CAPN2: variants seen among roughly 807,000 people sequenced by gnomAD.
The protein encoded by CAPN2 is calpain 2.
In CAPN2, 92 loss-of-function variants were observed where a neutral mutation model predicts 102.3. The observed-to-expected ratio is 0.90, with a 90% confidence interval of 0.76 to 1.07. The LOEUF is 1.07. Among genes scored for constraint, CAPN2 ranks in the 50% least tolerant of loss-of-function variants. CAPN2 has a pLI of 0.00. For synonymous variants in CAPN2, 340 were observed against 355.4 expected, an observed-to-expected ratio of 0.96 and a Z score of 0.49; for missense variants, 800 against 909.4, an observed-to-expected ratio of 0.88 and a Z score of 1.55.
chr1:223,757,982 T>A (rs1444905591), intron 11 of CAPN2: 1 of 151,998 alleles, frequency 6.6e-6, no homozygotes, highest in Admixed American at 6.6e-5. Flanking sequence ...TGCTTCAGCC[T>A]CCCCAGTAGC....
rs28370171 is a variant in CAPN2 at position 223,772,558 on chromosome 1, G to A, written c.2079+319G>A. On this transcript the variant is annotated intron_variant, in intron 20 of 20. Coordinates refer to ENST00000295006, the MANE Select transcript of CAPN2 (RefSeq NM_001748.5). ...ATGAACTCCTGATTAGCATGCAAGG[G>A]AGAACATGTTTATATAAAGAAATCC... 2,314 of 308,864 alleles carry A rather than the reference G, an allele frequency of 7.5e-3. 44 individuals are homozygous for A. The highest frequency in any genetic ancestry group is 0.046 in the African/African-American group (2,157 of 46,836). 19.1% of individuals were successfully genotyped at this position (308,864 alleles called of 1,614,324 possible). A position where few individuals can be genotyped will look rare whatever the true frequency, so the allele number is the denominator to read the frequency against.
At chr1:223,772,851 C>T (rs1156694726) in intron 20 of CAPN2, 5 of 152,164 alleles carry the variant, frequency 3.3e-5, no homozygotes, top group African/African-American at 1.2e-4. Context: ...TCGTGTCATC[C>T]CAATGACAGG....
rs779323696 is a variant in CAPN2, at chr1:223,712,624, G to A, written c.-17G>A. 53 of 1,510,188 alleles carry A rather than the reference G, an allele frequency of 3.5e-5. No homozygotes were observed. The Middle Eastern group carries it at 5.3e-4, about 15-fold the overall frequency. The allele number at this position is 1,510,188 out of a possible 1,614,324, so 93.5% of individuals were successfully genotyped here. A position where few individuals can be genotyped will look rare whatever the true frequency, so the allele number is the denominator to read the frequency against. ...CCCCGACCTTTCTCTGCGCAGTACG[G>A]CCGCCGGGACCGCAGCATGGCGGGC... On this transcript the variant is annotated 5_prime_UTR_variant, in exon 1 of 21. Transcript: ENST00000295006.
chr1:223,762,746 T>C (rs1333558286), intron 14 of CAPN2, among the ~76,000 whole-genome samples: 1 of 152,094 alleles, frequency 6.6e-6, no homozygotes, highest in African/African-American at 2.4e-5. Context: ...AGTGGCATGA[T>C]CATAGCTCAC....
At chr1:223,717,218 T>C (rs540749887) in intron 1 of CAPN2, among the ~76,000 whole-genome samples, 6 of 152,160 alleles carry the variant, frequency 3.9e-5, no homozygotes, top group Admixed American at 3.3e-4. Flanking sequence ...AATTGCAGAG[T>C]CCAGAGACTC....
intron 4 of CAPN2, 152 bp from the exon 5 acceptor site, chr1:223,746,845 C>T (rs1660762133): frequency 3.6e-6 from 2 of 562,216 alleles, no homozygotes; most frequent in Non-Finnish European, 6.0e-6. Flanking sequence ...CCTTGCCTTC[C>T]TGAGCACCCC....
rs558360442 is a variant in CAPN2 at position 223,742,114 on chromosome 1, G to T, written c.308-1986G>T. On this transcript the variant is annotated intron_variant, in intron 2 of 20. Coordinates refer to ENST00000295006, the MANE Select transcript of CAPN2 (RefSeq NM_001748.5). ...TCAAAGAATTCAGTGAGCTTCAGCT[G>T]GTCCTGCTGGCTCACGCCTGTAATA... Among the ~76,000 whole-genome samples the T allele has an allele frequency of 9.2e-5, 14 of 152,288 alleles. No homozygotes were observed. The South Asian group carries it at 2.9e-3, about 32-fold the overall frequency.
chr1:223,766,513 T>C (rs1661336189), intron 16 of CAPN2, 82 bp downstream of exon 16: 1 of 1,123,404 alleles, frequency 8.9e-7, no homozygotes, highest in South Asian at 1.3e-5. Flanking sequence ...CATGGCCTTC[T>C]CCCTTTTCAA....
In CAPN2 at chr1:223,726,326, G is replaced by A. The variant is rs567571971; in HGVS notation, c.307+8495G>A. Among the ~76,000 whole-genome samples the A allele has an allele frequency of 2.0e-5, 3 of 150,456 alleles. No homozygotes were observed. Among genetic ancestry groups the A allele is most frequent in the African/African-American group, 7.5e-5 (3 of 39,800 alleles). On this transcript the variant is annotated intron_variant, in intron 2 of 20. Coordinates refer to ENST00000295006, the MANE Select transcript of CAPN2 (RefSeq NM_001748.5). The surrounding 1 kb of genome is among the most constrained non-coding windows in gnomAD (Gnocchi z 4.4). ...GAAGAGGGTGGGTTTGCCTGCGCCT[G>A]GGGGGAGGGCAGCCATCAGGAAGGA...
At chr1:223,733,595 T>C (rs1435112300) in intron 2 of CAPN2, among the ~76,000 whole-genome samples, 1 of 152,138 alleles carries the variant, frequency 6.6e-6, no homozygotes, top group Non-Finnish European at 1.5e-5. Flanking sequence ...CCTGGTGTGC[T>C]CTCCGTGGGT....
chr1:223,737,706 G>GTT (rs201713814), intron 2 of CAPN2, among the ~76,000 whole-genome samples: 1 of 25,878 alleles, frequency 3.9e-5, no homozygotes, highest in South Asian at 2.2e-3. Context: ...AAGAGACGGG[G>GTT]CGGGGGGTGG....
At chr1:223,704,055 C>A (rs1292165282) in intron 1 of CAPN2, among the ~76,000 whole-genome samples, 1 of 152,106 alleles carries the variant, frequency 6.6e-6, no homozygotes, top group African/African-American at 2.4e-5. Flanking sequence ...CTTTGTGAGG[C>A]CAGGGCAGGC....
chr1:223,727,785 T>C lies in CAPN2; in HGVS notation c.307+9954T>C, dbSNP rs1011708287. On this transcript the variant is annotated intron_variant, in intron 2 of 20. Transcript: ENST00000295006. This position sits in a 1 kb window ranked among gnomAD's most constrained non-coding sequence, Gnocchi z 4.1. ...GGGAGCTTCAAGCTTCCCACTAGCATTGGGAGGAACACAGCAAAGGAGGAG... is the reference window on the plus strand; with the variant it reads ...GGGAGCTTCAAGCTTCCCACTAGCACTGGGAGGAACACAGCAAAGGAGGAG... 1.2e-4 allele frequency among the ~76,000 whole-genome samples: 18 copies of C among 152,112 alleles called. No homozygotes were observed. Among genetic ancestry groups the C allele is most frequent in the African/African-American group, 4.1e-4 (17 of 41,394 alleles).
At chr1:223,748,661 G>A (rs1224234735) in intron 5 of CAPN2, among the ~76,000 whole-genome samples, 2 of 151,724 alleles carry the variant, frequency 1.3e-5, no homozygotes, top group East Asian at 1.9e-4. Context: ...GACCCCCTCC[G>A]GCCCTCTCTC....
rs1321651748 is a variant in CAPN2, at chr1:223,725,567, G to A, written c.307+7736G>A. 6.6e-6 allele frequency among the ~76,000 whole-genome samples: 1 copy of A among 152,198 alleles called. No homozygotes were observed. The highest frequency in any genetic ancestry group is 1.5e-5 in the Non-Finnish European group (1 of 68,034). On this transcript the variant is annotated intron_variant, in intron 2 of 20. Transcript: ENST00000295006. The surrounding 1 kb of genome is among the most constrained non-coding windows in gnomAD (Gnocchi z 4.1). ...TCAAATGAGGTCGCGTCGCTGAGGT[G>A]GAGACACATTGTGGCACATCTTGAA...
chr1:223,752,934 G>T lies in CAPN2; in HGVS notation c.1113G>T (p.Ala371=), dbSNP rs145344369. 1.9e-6 allele frequency: 3 copies of T among 1,613,974 alleles called. No homozygotes were observed. Among genetic ancestry groups the T allele is most frequent in the East Asian group, 4.5e-5 (2 of 44,876 alleles). The part of the protein sequence containing the change: ...MDGNWRRGST[A]GGCRNYPNTF... ...GGAACTGGAGGCGGGGCTCCACCGC[G>T]GGAGGTTGCAGGAACTACCCGAGTA... The change falls in exon 9 of 21, where the codon GCG becomes GCT. Residue 371 remains alanine, a synonymous_variant. Transcript: ENST00000295006.
chr1:223,726,915 A>ACGCTGG lies in CAPN2; in HGVS notation c.307+9087_307+9092dup, dbSNP rs1358630758. ...TCAGCTACCCTCTCGCAGGCCTAGC[A>ACGCTGG]CGCTGGCGGGGTGTGCATTTCCTCT... On this transcript the variant is annotated intron_variant, in intron 2 of 20. Coordinates refer to ENST00000295006, the MANE Select transcript of CAPN2 (RefSeq NM_001748.5). This position sits in a 1 kb window ranked among gnomAD's most constrained non-coding sequence, Gnocchi z 4.4. 1.3e-5 allele frequency among the ~76,000 whole-genome samples: 2 copies of ACGCTGG among 152,104 alleles called. No homozygotes were observed. The highest frequency in any genetic ancestry group is 6.5e-5 in the Admixed American group (1 of 15,270).
chr1:223,760,774 C>T (rs368071982), intron 12 of CAPN2, among the ~76,000 whole-genome samples: 1 of 152,336 alleles, frequency 6.6e-6, no homozygotes, highest in East Asian at 1.9e-4. Context: ...GACACCCCAC[C>T]TCTCAAAGGT....
intron 20 of CAPN2, among the ~76,000 whole-genome samples, chr1:223,774,217 C>T (rs915051938): frequency 3.3e-5 from 5 of 151,912 alleles, no homozygotes; most frequent in South Asian, 2.1e-4. Flanking sequence ...GCATCTCCTC[C>T]GAGAAGCATC....
Sources: gnomAD v4.1 joint callset for allele counts (sites outside exome capture counted in the v4.1 genomes callset) on GRCh38, gnomAD v4.1.1 for gene constraint, Gnocchi (gnomAD v3.1) non-coding constraint, MANE v1.5 for transcripts, NCBI Gene and HGNC (gene_info 2026-07-23, HGNC 2026-07-21) for gene names.